The following PRKN variants were observed in gnomAD, a reference collection of about 807,000 sequenced individuals.
PRKN encodes the protein parkin RBR E3 ubiquitin protein ligase, also known as E3 ubiquitin-protein ligase parkin.
In PRKN, 56 loss-of-function variants were observed where a neutral mutation model predicts 59.5. That is an observed-to-expected ratio of 0.94 (90% confidence interval 0.76 to 1.18). The LOEUF (loss-of-function observed/expected upper bound fraction) is 1.18, where lower values mean the gene tolerates loss of function less well. PRKN is among the 50% of genes most tolerant of loss of function. PRKN has a pLI of 0.00. For synonymous variants in PRKN, 250 were observed against 222.1 expected, an observed-to-expected ratio of 1.13 and a Z score of -1.12; for missense variants, 657 against 596.4, an observed-to-expected ratio of 1.10 and a Z score of -1.06.
rs778050048 is a variant in PRKN at position 162,454,222 on chromosome 6, G to A, written c.8-10749C>T. Reference sequence around the variant, plus strand: ...GTGTAAAAATTATTGTAATTATCACGTCAGTTGTGCCATATTAATGTTTGG... The same window carrying A: ...GTGTAAAAATTATTGTAATTATCACATCAGTTGTGCCATATTAATGTTTGG... On this transcript the variant is annotated intron_variant, in intron 1 of 11. Coordinates refer to ENST00000366898, the MANE Select transcript of PRKN (RefSeq NM_004562.3). Among the ~76,000 whole-genome samples, 68 of 152,158 alleles carry A rather than the reference G, an allele frequency of 4.5e-4. 1 individual carries two copies. Among genetic ancestry groups the A allele is most frequent in the Admixed American group, 9.2e-4 (14 of 15,266 alleles).
chr6:161,820,629 C>T (rs1279826136), intron 6 of PRKN, among the ~76,000 whole-genome samples: 7 of 146,218 alleles, frequency 4.8e-5, no homozygotes, highest in Admixed American at 1.4e-4. Flanking sequence ...ATACAATATG[C>T]AAATATTTAT....
chr6:162,622,373 G>A (rs556784776), intron 1 of PRKN, among the ~76,000 whole-genome samples: 5 of 151,238 alleles, frequency 3.3e-5, no homozygotes, highest in Admixed American at 6.6e-5. Context: ...TAGTAGAGAC[G>A]GGGTTTTGCA....
intron 1 of PRKN, among the ~76,000 whole-genome samples, chr6:162,462,733 T>C (rs942673655): frequency 2.2e-4 from 34 of 152,318 alleles, no homozygotes; most frequent in Admixed American, 2.2e-3. Flanking sequence ...CAGATAATTT[T>C]AAATCTATCT....
chr6:162,648,748 A>C (rs536167018), intron 1 of PRKN, among the ~76,000 whole-genome samples: 6 of 152,270 alleles, frequency 3.9e-5, no homozygotes, highest in African/African-American at 1.4e-4. Flanking sequence ...ACAGGCACTG[A>C]TCTCATAGAG....
intron 7 of PRKN, among the ~76,000 whole-genome samples, chr6:161,695,440 TA>T (rs1282337053): frequency 6.6e-6 from 1 of 152,198 alleles, no homozygotes; most frequent in African/African-American, 2.4e-5. Context: ...GGTGTACTAG[TA>T]ACCACCCTAT....
intron 1 of PRKN, among the ~76,000 whole-genome samples, chr6:162,484,102 G>T (rs1407047913): frequency 6.6e-6 from 1 of 152,208 alleles, no homozygotes; most frequent in African/African-American, 2.4e-5. Flanking sequence ...AGCAACGATA[G>T]CATCAGATGC....
At chr6:162,562,971 G>A (rs1214466185) in intron 1 of PRKN, among the ~76,000 whole-genome samples, 1 of 152,210 alleles carries the variant, frequency 6.6e-6, no homozygotes, top group African/African-American at 2.4e-5. Flanking sequence ...CAAGCTTTAG[G>A]TGGCTCAGAA....
At chr6:162,249,344 T>C (rs187874430) in intron 3 of PRKN, among the ~76,000 whole-genome samples, 44 of 152,316 alleles carry the variant, frequency 2.9e-4, no homozygotes, top group Admixed American at 2.6e-3. Context: ...ATTGAACAAA[T>C]TGATTATGCA....
At chr6:162,329,965 C>T (rs912849674) in intron 2 of PRKN, among the ~76,000 whole-genome samples, 2 of 152,074 alleles carry the variant, frequency 1.3e-5, no homozygotes, top group African/African-American at 2.4e-5. Context: ...AGTCAACATC[C>T]GATTTCTTCT....
chr6:162,198,813 G>A (rs1233374787), intron 4 of PRKN, among the ~76,000 whole-genome samples: 1 of 151,988 alleles, frequency 6.6e-6, no homozygotes, highest in Non-Finnish European at 1.5e-5. Context: ...TGAGGATTAC[G>A]ACATGTCAGG....
At chr6:161,370,577 G>T in intron 10 of PRKN, among the ~76,000 whole-genome samples, 1 of 103,832 alleles carries the variant, frequency 9.6e-6, no homozygotes, top group South Asian at 2.9e-4. Flanking sequence ...GGGCGACAGA[G>T]CAAGACTCTG....
chr6:161,832,165 C>T (rs2128218812), intron 6 of PRKN, among the ~76,000 whole-genome samples: 1 of 152,314 alleles, frequency 6.6e-6, no homozygotes, highest in South Asian at 2.1e-4. Context: ...AAAAGAGCAA[C>T]TTCAAGAGAA....
intron 1 of PRKN, among the ~76,000 whole-genome samples, chr6:162,505,965 G>A (rs898627159): frequency 6.6e-6 from 1 of 152,100 alleles, no homozygotes; most frequent in African/African-American, 2.4e-5. Context: ...TGGGAGGCAG[G>A]GGCAACAAGT....
rs1194046947 is a variant in PRKN, at chr6:162,262,643, C to T, written c.294G>A (p.Glu98=). The T allele has an allele frequency of 6.2e-7, 1 of 1,613,674 alleles. No individual in the cohort carries two copies. ...PRNAAGGCER[E]PQSLTRVDLS... ...GGTCCACCCGAGTCAAGCTCTGGGG[C>T]TCCCGCTCACAGCCTCCCGCCGCGT... Residue 98 remains glutamate, a synonymous_variant, in exon 3 of 12, where the codon GAG becomes GAA. Coordinates refer to ENST00000366898, the MANE Select transcript of PRKN (RefSeq NM_004562.3).
At position 162,128,952 on chromosome 6, in the gene PRKN, A is replaced by G. The variant is rs961115714; in HGVS notation, c.534+72179T>C. On this transcript the variant is annotated intron_variant, in intron 4 of 11. Transcript: ENST00000366898. Reference sequence around the variant, plus strand: ...CTGTTTCTAAGCCACCCAATTTGTGACATTCTTTTATTAGCAGTCTGAGGT... The same window carrying G: ...CTGTTTCTAAGCCACCCAATTTGTGGCATTCTTTTATTAGCAGTCTGAGGT... Among the ~76,000 whole-genome samples the G allele has an allele frequency of 5.3e-5, 8 of 152,308 alleles. No individual in the cohort carries two copies. In the South Asian group the frequency reaches 8.3e-4, roughly 16 times the overall value.
chr6:161,902,524 G>GTCTATCTGTCTATCTA (rs1777957296), intron 6 of PRKN, among the ~76,000 whole-genome samples: 1 of 133,064 alleles, frequency 7.5e-6, no homozygotes, highest in Non-Finnish European at 1.6e-5. Context: ...ATAGACATCC[G>GTCTATCTGTCTATCTA]TCTATCTATC....
chr6:162,043,172 C>T (rs1018436038), intron 5 of PRKN, among the ~76,000 whole-genome samples: 1 of 152,106 alleles, frequency 6.6e-6, no homozygotes, highest in African/African-American at 2.4e-5. Flanking sequence ...ATGGGAAAGA[C>T]CAGCCAACAT....
At chr6:162,120,078 C>T (rs1164102065) in intron 4 of PRKN, among the ~76,000 whole-genome samples, 2 of 152,144 alleles carry the variant, frequency 1.3e-5, no homozygotes, top group Non-Finnish European at 2.9e-5. Flanking sequence ...AGCTCAGTGG[C>T]GAGACTGTGG....
chr6:162,392,524 C>G (rs962961221), intron 2 of PRKN, among the ~76,000 whole-genome samples: 16 of 152,152 alleles, frequency 1.1e-4, no homozygotes, highest in Non-Finnish European at 2.1e-4. Flanking sequence ...AGTAGATACA[C>G]ATTCCTGTTA....
Sources: allele counts gnomAD v4.1 joint callset (sites outside exome capture counted in the v4.1 genomes callset), GRCh38; gene constraint gnomAD v4.1.1; transcripts MANE v1.5; gene names NCBI Gene and HGNC (gene_info 2026-07-23, HGNC 2026-07-21).